Variants in ADAMTSL3 observed in about 807,000 individuals in gnomAD.
The protein encoded by ADAMTSL3 is ADAMTS like 3.
In ADAMTSL3, 128 loss-of-function variants were observed where a neutral mutation model predicts 201.7. That is an observed-to-expected ratio of 0.63 (90% CI 0.55 to 0.73). ADAMTSL3 has a LOEUF of 0.73. ADAMTSL3 is among the 30% of genes least tolerant of loss of function. ADAMTSL3 has a pLI of 0.00. For synonymous variants in ADAMTSL3, 738 were observed against 748.4 expected (o/e 0.99, Z 0.23); for missense variants, 1,990 against 2,119.6 (o/e 0.94, Z 1.20).
At chr15:84,001,667 C>A (rs2067793968) in intron 23 of ADAMTSL3, among the ~76,000 whole-genome samples, 1 of 152,196 alleles carries the variant, frequency 6.6e-6, no homozygotes, top group Admixed American at 6.5e-5. Context: ...AGTGCTGCAG[C>A]CTGGTGACAG....
chr15:83,658,284 T>A (rs2061118872), intron 2 of ADAMTSL3, among the ~76,000 whole-genome samples: 1 of 152,126 alleles, frequency 6.6e-6, no homozygotes, highest in Non-Finnish European at 1.5e-5. Flanking sequence ...AATTTTTGTA[T>A]TATCGGTAGA....
At position 84,025,222 on chromosome 15, in the gene ADAMTSL3, T is replaced by C; in HGVS notation, c.4458-16T>C. ...CATACCAGTCCTTACTAAAGTCCTG[T>C]AGTTTTTGTTCCTAGGTGGTTCACA... is the stretch of plus-strand genomic sequence containing the variant. On this transcript the variant is annotated splice_polypyrimidine_tract_variant and intron_variant, in intron 26 of 29. Coordinates refer to ENST00000286744, the MANE Select transcript of ADAMTSL3 (RefSeq NM_207517.3). 1 of 1,575,648 alleles carries C rather than the reference T, an allele frequency of 6.3e-7. No homozygotes were observed. Among genetic ancestry groups the C allele is most frequent in the Non-Finnish European group, 8.6e-7 (1 of 1,162,756 alleles).
chr15:84,000,331 T>C (rs1567293271), intron 23 of ADAMTSL3, among the ~76,000 whole-genome samples: 1 of 152,084 alleles, frequency 6.6e-6, no homozygotes, highest in Non-Finnish European at 1.5e-5. Context: ...CATTTTGAAA[T>C]GTATATTTAA....
chr15:83,903,270 G>A (rs1292652880), intron 15 of ADAMTSL3, among the ~76,000 whole-genome samples: 2 of 139,474 alleles, frequency 1.4e-5, no homozygotes, highest in East Asian at 4.4e-4. Context: ...CATGGTGAGA[G>A]ATACACAACA....
chr15:83,976,471 C>A (rs1357474619), intron 20 of ADAMTSL3, among the ~76,000 whole-genome samples: 1 of 151,960 alleles, frequency 6.6e-6, no homozygotes, highest in Admixed American at 6.6e-5. Flanking sequence ...TGTGTACTTT[C>A]TTTATATTAT....
intron 3 of ADAMTSL3, among the ~76,000 whole-genome samples, chr15:83,748,684 CAAA>C (rs1220752305): frequency 7.0e-6 from 1 of 141,948 alleles, no homozygotes; most frequent in Non-Finnish European, 1.5e-5. Flanking sequence ...ACCACACACA[CAAA>C]GAAGCAAGGA....
chr15:83,679,734 C>G (rs540235755), intron 2 of ADAMTSL3, among the ~76,000 whole-genome samples: 1 of 152,268 alleles, frequency 6.6e-6, no homozygotes, highest in East Asian at 1.9e-4. Flanking sequence ...CTCCAGCTCC[C>G]TTCTCTCCAA....
At chr15:83,722,170 A>C (rs2062110332) in intron 3 of ADAMTSL3, among the ~76,000 whole-genome samples, 1 of 152,230 alleles carries the variant, frequency 6.6e-6, no homozygotes, top group African/African-American at 2.4e-5. Flanking sequence ...GAGATGCTGG[A>C]TTCAGCAGAG....
chr15:83,903,943 A>AGGAAGGAAGGAAGGAAGGAGAG (rs2065782906), intron 15 of ADAMTSL3, among the ~76,000 whole-genome samples: 1 of 85,244 alleles, frequency 1.2e-5, no homozygotes, highest in African/African-American at 5.2e-5. Context: ...AAAAAAAAAA[A>AGGAAGGAAGGAAGGAAGGAGAG]AGAAAAAAGA....
chr15:83,675,406 G>A (rs1238030293), intron 2 of ADAMTSL3, among the ~76,000 whole-genome samples: 1 of 151,806 alleles, frequency 6.6e-6, no homozygotes. Flanking sequence ...TTCTTTTAAT[G>A]CTGTTGATTT....
At chr15:83,947,688 G>A (rs2066679663) in intron 19 of ADAMTSL3, among the ~76,000 whole-genome samples, 1 of 151,700 alleles carries the variant, frequency 6.6e-6, no homozygotes, top group African/African-American at 2.4e-5. Flanking sequence ...CTACTTATCT[G>A]ACTATGTCTT....
At chr15:83,869,789 T>C (rs2065048443) in intron 8 of ADAMTSL3, among the ~76,000 whole-genome samples, 1 of 152,194 alleles carries the variant, frequency 6.6e-6, no homozygotes, top group African/African-American at 2.4e-5. Flanking sequence ...TTGAATCAAG[T>C]GTGGGTTTTA....
At chr15:83,729,214 A>G (rs573572828) in intron 3 of ADAMTSL3, among the ~76,000 whole-genome samples, 1 of 152,160 alleles carries the variant, frequency 6.6e-6, no homozygotes, top group East Asian at 1.9e-4. Flanking sequence ...TTTGATTATT[A>G]AATACTTTGT....
In ADAMTSL3 at chr15:83,823,893, C is replaced by CTCTTCTTCTTCTTCT. The variant is rs759090787; in HGVS notation, c.600+3913_600+3927dup. ...AGACTCCATTTCCTTCTTCTTCTTC[C>CTCTTCTTCTTCTTCT]TCTTCTTCTTCTTCTTCTTCTTCTT... is the stretch of plus-strand genomic sequence containing the variant. On this transcript the variant is annotated intron_variant, in intron 6 of 29. Transcript: ENST00000286744. Among the ~76,000 whole-genome samples, 26 of 93,102 alleles carry CTCTTCTTCTTCTTCT rather than the reference C, an allele frequency of 2.8e-4. 1 individual carries two copies. Among genetic ancestry groups the CTCTTCTTCTTCTTCT allele is most frequent in the Non-Finnish European group, 3.6e-4 (18 of 49,348 alleles). The allele number at this position is 93,102 out of a possible 152,430, so 61.1% of individuals were successfully genotyped here. A position where few individuals can be genotyped will look rare whatever the true frequency, so the allele number is the denominator to read the frequency against.
chr15:83,771,862 C>CTTTT (rs76516411), intron 3 of ADAMTSL3, among the ~76,000 whole-genome samples: 3 of 148,928 alleles, frequency 2.0e-5, no homozygotes, highest in African/African-American at 7.4e-5. Flanking sequence ...AGCTTTTTTT[C>CTTTT]TTTTTTTTTT....
intron 6 of ADAMTSL3, among the ~76,000 whole-genome samples, chr15:83,823,609 G>T (rs1700781641): frequency 6.6e-6 from 1 of 151,956 alleles, no homozygotes; most frequent in Non-Finnish European, 1.5e-5. Flanking sequence ...CTTTCTTGTA[G>T]CCTAAGTCCT....
At chr15:83,901,124 C>T (rs1279990338) in intron 15 of ADAMTSL3, among the ~76,000 whole-genome samples, 1 of 152,184 alleles carries the variant, frequency 6.6e-6, no homozygotes, top group Non-Finnish European at 1.5e-5. Context: ...GACTTCTCCA[C>T]GTGGACCACT....
intron 10 of ADAMTSL3, among the ~76,000 whole-genome samples, chr15:83,889,131 A>G (rs780688466): frequency 2.0e-5 from 3 of 152,210 alleles, no homozygotes; most frequent in Non-Finnish European, 2.9e-5. Flanking sequence ...GCACTCATCT[A>G]TTTGCAAAGT....
At chr15:83,919,367 T>C (rs921080854) in intron 16 of ADAMTSL3, among the ~76,000 whole-genome samples, 1 of 152,006 alleles carries the variant, frequency 6.6e-6, no homozygotes, top group Non-Finnish European at 1.5e-5. Context: ...CAGCGAGATA[T>C]GATAAAAACA....
Sources: allele counts gnomAD v4.1 joint callset (sites outside exome capture counted in the v4.1 genomes callset), GRCh38; gene constraint gnomAD v4.1.1; transcripts MANE v1.5; gene names NCBI Gene and HGNC (gene_info 2026-07-23, HGNC 2026-07-21).